Variants in DNAH8 observed in about 807,000 individuals in gnomAD.
DNAH8 encodes dynein axonemal heavy chain 8, also known as axonemal beta dynein heavy chain 8.
In DNAH8, 382 loss-of-function variants were observed where a neutral mutation model predicts 562.1. The observed-to-expected ratio is 0.68, with a 90% confidence interval of 0.63 to 0.74. DNAH8 has a LOEUF of 0.74. DNAH8 is among the 30% of genes least tolerant of loss of function. The pLI, the probability that DNAH8 is intolerant of heterozygous loss-of-function variation, is 0.00. For synonymous variants in DNAH8, 1,881 were observed against 1,919.4 expected, an observed-to-expected ratio of 0.98 and a Z score of 0.52; for missense variants, 5,203 against 5,620.4, an observed-to-expected ratio of 0.93 and a Z score of 2.37.
chr6:39,025,598 G>A (rs1199088636), intron 91 of DNAH8, among the ~76,000 whole-genome samples: 2 of 152,104 alleles, frequency 1.3e-5, no homozygotes, highest in African/African-American at 4.8e-5. Context: ...TTATAATTAT[G>A]CCTTGCAACT....
At chr6:38,842,975 C>A in intron 35 of DNAH8, 72 bp downstream of exon 35, 1 of 1,526,272 alleles carries the variant, frequency 6.6e-7, no homozygotes, top group Non-Finnish European at 8.9e-7. Context: ...GGGAGTTGTA[C>A]AGATATTTTA....
intron 13 of DNAH8, 49 bp from the exon 14 acceptor site, chr6:38,778,339 C>T (rs1250764990): frequency 9.5e-7 from 1 of 1,047,560 alleles, no homozygotes; most frequent in African/African-American, 1.6e-5. Flanking sequence ...TAAACAAAAC[C>T]AATCTCTTTA....
At chr6:39,015,204 AG>A (rs2150778428) in intron 91 of DNAH8, among the ~76,000 whole-genome samples, 1 of 152,302 alleles carries the variant, frequency 6.6e-6, no homozygotes, top group South Asian at 2.1e-4. Flanking sequence ...AAGGGAGTGG[AG>A]TTGGTTCATC....
chr6:39,006,716 T>C (rs909264293), intron 88 of DNAH8, among the ~76,000 whole-genome samples: 14 of 152,336 alleles, frequency 9.2e-5, no homozygotes, highest in African/African-American at 3.4e-4. Flanking sequence ...GCACAGGTAA[T>C]ATGAGTAAAT....
intron 88 of DNAH8, among the ~76,000 whole-genome samples, chr6:39,000,365 C>G (rs542769176): frequency 1.3e-4 from 20 of 152,284 alleles, no homozygotes; most frequent in African/African-American, 3.8e-4. Context: ...TAAGTTGTGC[C>G]TTAAAGCAGG....
chr6:38,742,963 C>A (rs1232361256), intron 8 of DNAH8, among the ~76,000 whole-genome samples: 1 of 145,156 alleles, frequency 6.9e-6, no homozygotes, highest in Non-Finnish European at 1.5e-5. Context: ...CCTGTTAGAT[C>A]GAGCTTGAGC....
intron 85 of DNAH8, among the ~76,000 whole-genome samples, chr6:38,979,703 C>G (rs1763905450): frequency 6.6e-6 from 1 of 152,086 alleles, no homozygotes; most frequent in African/African-American, 2.4e-5. Context: ...GGGCAATTTT[C>G]AAAACTCACA....
intron 1 of DNAH8, among the ~76,000 whole-genome samples, 199 bp from the exon 2 acceptor site, chr6:38,722,577 G>GTGTGTGTGT (rs1491079737): frequency 3.4e-4 from 52 of 150,992 alleles, no homozygotes; most frequent in African/African-American, 1.2e-3. Context: ...CTCCCAGGTG[G>GTGTGTGTGT]GTGGGGGTGT....
chr6:38,835,415 T>C (rs1774198243), intron 32 of DNAH8, among the ~76,000 whole-genome samples: 1 of 151,544 alleles, frequency 6.6e-6, no homozygotes, highest in Non-Finnish European at 1.5e-5. Context: ...TAAAATCTGA[T>C]AGAGAGATAG....
rs771954579 is a variant in DNAH8 at position 38,852,681 on chromosome 6, C to A, written c.5467-13C>A. The A allele has an allele frequency of 1.2e-5, 19 of 1,598,560 alleles. No individual in the cohort carries two copies. The Admixed American group carries it at 1.4e-4, about 11-fold the overall frequency. Reference sequence around the variant, plus strand: ...GTCCAGCCTCATGTGTGACGTTTTCCTCTGTCTTACAGCCGCATCTCCCTG... The same window carrying A: ...GTCCAGCCTCATGTGTGACGTTTTCATCTGTCTTACAGCCGCATCTCCCTG... On this transcript the variant is annotated splice_polypyrimidine_tract_variant and intron_variant, in intron 39 of 92. Transcript: ENST00000327475.
chr6:38,951,461 T>C lies in DNAH8; in HGVS notation c.12392T>C (p.Leu4131Pro). 2 of 1,614,180 alleles carry C rather than the reference T, an allele frequency of 1.2e-6. No homozygotes were observed. The highest frequency in any genetic ancestry group is 1.7e-6 in the Non-Finnish European group (2 of 1,180,016). ...ACCCGGACACCTCTGATATGCTTCC[T>C]GTCCATGGGATCTGACCCCACCAAT... ...SDTRTPLICF[L>P]SMGSDPTNQI... The change falls in exon 82 of 93, where the codon CTG becomes CCG. Residue 4131 changes from leucine to proline, a missense_variant. Physicochemically the swap from Leu to Pro is moderately conservative, Grantham distance 98 (BLOSUM62 -3). Transcript: ENST00000327475.
chr6:38,819,227 A>G (rs1011322507), intron 26 of DNAH8, among the ~76,000 whole-genome samples: 5 of 152,120 alleles, frequency 3.3e-5, no homozygotes, highest in Non-Finnish European at 7.3e-5. Context: ...TCAGCTTTTA[A>G]AAGGTGTTTA....
At chr6:38,917,862 C>T in intron 69 of DNAH8, 63 bp from the exon 70 acceptor site, 1 of 1,241,664 alleles carries the variant, frequency 8.1e-7, no homozygotes, top group Non-Finnish European at 1.1e-6. Context: ...TTTAGAAGTA[C>T]ATATTAACTC....
chr6:38,735,920 C>A (rs993408592), intron 5 of DNAH8, among the ~76,000 whole-genome samples: 1 of 152,066 alleles, frequency 6.6e-6, no homozygotes. Flanking sequence ...GGCAGATCGC[C>A]TGAGCTCAGG....
In DNAH8 at chr6:38,932,007, C is replaced by T; in HGVS notation, c.11457+14C>T. The stretch of plus-strand genomic sequence containing the variant: ...ACAGAGAAACAGGTAATCTCTCTCT[C>T]AAGGTAAAGAATTTCTGCTTATAAT... On this transcript the variant is annotated intron_variant, in intron 76 of 92. Coordinates refer to ENST00000327475, the MANE Select transcript of DNAH8 (RefSeq NM_001206927.2). 1 of 1,501,984 alleles carries T rather than the reference C, an allele frequency of 6.7e-7. No individual in the cohort carries two copies. The highest frequency in any genetic ancestry group is 1.4e-5 in the South Asian group (1 of 72,188). 93.0% of individuals were successfully genotyped at this position (1,501,984 alleles called of 1,614,324 possible).
At chr6:38,903,928 A>T (rs999721166) in intron 62 of DNAH8, among the ~76,000 whole-genome samples, 2 of 152,022 alleles carry the variant, frequency 1.3e-5, no homozygotes, top group African/African-American at 4.8e-5. Context: ...AATATTTTCT[A>T]AGGATGCATT....
chr6:38,727,551 T>C (rs548152516), intron 3 of DNAH8, among the ~76,000 whole-genome samples: 9 of 152,220 alleles, frequency 5.9e-5, no homozygotes, highest in Non-Finnish European at 1.2e-4. Flanking sequence ...CTCTCAACTC[T>C]TCAGTCCTTG....
At chr6:38,976,640 C>A (rs562504605) in intron 85 of DNAH8, among the ~76,000 whole-genome samples, 32 of 152,264 alleles carry the variant, frequency 2.1e-4, no homozygotes, top group African/African-American at 7.2e-4. Flanking sequence ...TACCAAGATA[C>A]CTACATGATT....
chr6:38,731,076 T>A (rs772926122), intron 4 of DNAH8, among the ~76,000 whole-genome samples: 1 of 152,230 alleles, frequency 6.6e-6, no homozygotes. Flanking sequence ...ATGTCTTGTT[T>A]CTTCGATAAA....
Sources: gnomAD v4.1 joint callset for allele counts (sites outside exome capture counted in the v4.1 genomes callset) on GRCh38, gnomAD v4.1.1 for gene constraint, MANE v1.5 for transcripts, NCBI Gene and HGNC (gene_info 2026-07-23, HGNC 2026-07-21) for gene names.